Variants in DMD observed in about 807,000 individuals in gnomAD.
DMD encodes mutant dystrophin.
DMD carries 63 observed loss-of-function variants against 330.1 expected under a neutral mutation model. The observed-to-expected ratio is 0.19, with a 90% confidence interval of 0.16 to 0.24. The LOEUF is 0.24. Among genes scored for constraint, DMD ranks in the 10% least tolerant of loss-of-function variants. The probability of loss-of-function intolerance (pLI) is 1.00; values close to 1 mark genes in which losing one functional copy is unlikely to be tolerated. For synonymous variants in DMD, 1,223 were observed against 959.8 expected (o/e 1.27, Z -5.07); for missense variants, 3,344 against 2,684.1 (o/e 1.25, Z -5.43).
chrX:32,527,859 A>T (rs1369798977), intron 17 of DMD, among the ~76,000 whole-genome samples: 1 of 111,546 alleles, frequency 9.0e-6, no homozygotes, highest in Non-Finnish European at 1.9e-5. Flanking sequence ...CACACAACAC[A>T]TACACGTTTG....
intron 44 of DMD, among the ~76,000 whole-genome samples, chrX:32,034,512 A>T (rs1412796837): frequency 9.0e-6 from 1 of 111,602 alleles, no homozygotes; most frequent in Non-Finnish European, 1.9e-5. Flanking sequence ...TCATTTTGAA[A>T]CCCAAAATAT....
rs751229272 is a variant in DMD, at chrX:31,479,098, G to A, written c.8553C>T (p.Phe2851=). 4.1e-6 allele frequency: 5 copies of A among 1,208,714 alleles called. No individual in the cohort carries two copies. In the Admixed American group the frequency reaches 6.6e-5, roughly 16 times the overall value. ...VQKQNDVHRA[F]KRELKTKEPV... is the part of the protein sequence containing the mutation. ...GTTCTTTAGTTTTCAATTCCCTCTT[G>A]AAGGCCTGTGAAATGAGATGAAAAG... The change falls in exon 58 of 79, where the codon TTC becomes TTT. Residue 2851 remains phenylalanine (F), a synonymous_variant. Transcript: ENST00000357033.
At chrX:31,254,897 T>A (rs1414050875) in intron 63 of DMD, among the ~76,000 whole-genome samples, 2 of 108,640 alleles carry the variant, frequency 1.8e-5, no homozygotes, top group Admixed American at 1.0e-4. Context: ...AAAAAAAGAT[T>A]AGCCAGACAC....
At chrX:31,635,689 G>A (rs1297624733) in intron 54 of DMD, among the ~76,000 whole-genome samples, 1 of 111,880 alleles carries the variant, frequency 8.9e-6, no homozygotes. Flanking sequence ...TCTAAATTCT[G>A]AATTATGATA....
chrX:32,113,315 T>C (rs1169227338), intron 44 of DMD, among the ~76,000 whole-genome samples: 1 of 112,336 alleles, frequency 8.9e-6, no homozygotes, highest in Non-Finnish European at 1.9e-5. Context: ...ATACGTGAAA[T>C]GTTCCCAACA....
chrX:31,147,596 T>C (rs962803628), intron 74 of DMD, 78 bp from the exon 75 acceptor site: 15 of 806,812 alleles, frequency 1.9e-5, no homozygotes, highest in Non-Finnish European at 2.5e-5. Context: ...TTGAATATCA[T>C]CACCAAATTT....
chrX:31,717,900 G>C (rs1436606151), intron 52 of DMD, among the ~76,000 whole-genome samples: 1 of 111,603 alleles, frequency 9.0e-6, no homozygotes, highest in African/African-American at 3.3e-5. Flanking sequence ...ACGTTTTTCT[G>C]AGAGCCAGCT....
At chrX:32,032,606 A>C (rs973945022) in intron 44 of DMD, among the ~76,000 whole-genome samples, 1 of 111,902 alleles carries the variant, frequency 8.9e-6, no homozygotes, top group Non-Finnish European at 1.9e-5. Flanking sequence ...CCATCTACAC[A>C]TAAAAGCTCG....
At chrX:33,193,839 T>C (rs1211718397) in intron 1 of DMD, among the ~76,000 whole-genome samples, 7 of 111,346 alleles carry the variant, frequency 6.3e-5, no homozygotes, top group African/African-American at 2.3e-4. Context: ...AAGAAATTTA[T>C]AAGTAACTTA....
At chrX:32,249,139 G>C (rs903292376) in intron 43 of DMD, among the ~76,000 whole-genome samples, 1 of 111,465 alleles carries the variant, frequency 9.0e-6, no homozygotes, top group African/African-American at 3.3e-5. Flanking sequence ...CTAAGTACAT[G>C]TATGTATAAA....
intron 54 of DMD, among the ~76,000 whole-genome samples, chrX:31,642,694 A>G (rs1307461508): frequency 9.0e-6 from 1 of 111,558 alleles, no homozygotes; most frequent in African/African-American, 3.3e-5. Flanking sequence ...TTTTAATCCA[A>G]TGTTCCGTTT....
At chrX:32,571,436 C>G in intron 15 of DMD, among the ~76,000 whole-genome samples, 1 of 111,724 alleles carries the variant, frequency 9.0e-6, no homozygotes, top group East Asian at 2.8e-4. Flanking sequence ...TGTGATACCA[C>G]TTTCCCCTTG....
intron 60 of DMD, among the ~76,000 whole-genome samples, chrX:31,413,769 A>ATTATT (rs2061745925): frequency 9.0e-6 from 1 of 111,028 alleles, no homozygotes; most frequent in Non-Finnish European, 1.9e-5. Flanking sequence ...GTAGTTTAAT[A>ATTATT]AGATTGTGAG....
At chrX:32,784,013 G>A (rs1472861358) in intron 7 of DMD, among the ~76,000 whole-genome samples, 2 of 104,337 alleles carry the variant, frequency 1.9e-5, no homozygotes, top group Non-Finnish European at 3.9e-5. Flanking sequence ...GGGTGGGGGG[G>A]GGAAATACAC....
chrX:31,448,573 C>T (rs750669549), intron 59 of DMD, among the ~76,000 whole-genome samples: 1 of 112,441 alleles, frequency 8.9e-6, no homozygotes, highest in East Asian at 2.8e-4. Flanking sequence ...TTATTAAACA[C>T]TACACCTAAA....
chrX:32,242,514 C>T (rs2097212483), intron 43 of DMD, among the ~76,000 whole-genome samples: 1 of 111,418 alleles, frequency 9.0e-6, no homozygotes, highest in Admixed American at 9.6e-5. Flanking sequence ...TGCTATATGT[C>T]TATTTTTTTT....
At chrX:32,844,894 G>A (rs376216937) in intron 3 of DMD, 34 bp from the exon 4 acceptor site, 21 of 1,083,638 alleles carry the variant, frequency 1.9e-5, no homozygotes, top group Non-Finnish European at 2.7e-5. Flanking sequence ...TCACTGACCA[G>A]CAGAGAGACC....
chrX:32,224,224 C>A (rs948702546), intron 43 of DMD, among the ~76,000 whole-genome samples: 3 of 111,196 alleles, frequency 2.7e-5, no homozygotes, highest in Non-Finnish European at 5.7e-5. Context: ...AGGTAGTCCA[C>A]TTTATTATTT....
At chrX:32,782,493 T>C (rs2148553932) in intron 7 of DMD, among the ~76,000 whole-genome samples, 1 of 111,157 alleles carries the variant, frequency 9.0e-6, no homozygotes, top group East Asian at 2.8e-4. Context: ...GCTAGATGAT[T>C]GTGTGTAAAA....
Sources: allele counts gnomAD v4.1 joint callset (sites outside exome capture counted in the v4.1 genomes callset), GRCh38; gene constraint gnomAD v4.1.1; transcripts MANE v1.5; gene names NCBI Gene and HGNC (gene_info 2026-07-23, HGNC 2026-07-21).